SLC38A10: variants seen among roughly 807,000 people sequenced by gnomAD.
The protein encoded by SLC38A10 is solute carrier family 38 member 10.
A neutral mutation model predicts 81.0 loss-of-function variants in SLC38A10; 53 were observed. The observed-to-expected ratio is 0.65, with a 90% CI of 0.53 to 0.82. The LOEUF (loss-of-function observed/expected upper bound fraction) is 0.82, where lower values mean the gene tolerates loss of function less well. Ranked by LOEUF, SLC38A10 falls within the 40% of genes least tolerant of loss-of-function variation. The pLI is 0.00. For missense variants in SLC38A10, 1,471 were observed against 1,545.0 expected (o/e 0.95, Z 0.80); for synonymous variants, 665 against 655.3 (o/e 1.01, Z -0.23).
At chr17:81,256,759 T>C (rs1353832273) in intron 11 of SLC38A10, among the ~76,000 whole-genome samples, 2 of 152,262 alleles carry the variant, frequency 1.3e-5, no homozygotes, top group African/African-American at 2.4e-5. Flanking sequence ...AAAGTATTAC[T>C]CATGAAGGGC....
In SLC38A10 at chr17:81,289,537, G is replaced by A. The variant is rs1478279662; in HGVS notation, c.217+154C>T. Among the ~76,000 whole-genome samples the A allele has an allele frequency of 2.0e-5, 3 of 151,666 alleles. No individual in the cohort carries two copies. Among genetic ancestry groups the A allele is most frequent in the Admixed American group, 6.6e-5 (1 of 15,204 alleles). On this transcript the variant is annotated intron_variant, in intron 2 of 15. Coordinates refer to ENST00000374759, the MANE Select transcript of SLC38A10 (RefSeq NM_001037984.3). This position sits in a 1 kb window ranked among gnomAD's most constrained non-coding sequence, Gnocchi z 5.9. ...ACGACAGGCACGTGCAACCACACCC[G>A]GCTCATTTTTTTGCAGCATTACATT...
intron 10 of SLC38A10, chr17:81,264,879 C>T (rs2063056698): frequency 6.6e-6 from 1 of 152,208 alleles, no homozygotes; most frequent in Non-Finnish European, 1.5e-5. Flanking sequence ...AGAGCAGGGG[C>T]CAGCTTTCAG....
chr17:81,256,930 C>T (rs2062978371), intron 11 of SLC38A10, among the ~76,000 whole-genome samples: 1 of 152,214 alleles, frequency 6.6e-6, no homozygotes, highest in South Asian at 2.1e-4. Context: ...CAGGCGGAAC[C>T]TCCTCACCAC....
At position 81,247,020 on chromosome 17, in the gene SLC38A10, G is replaced by C. The variant is rs2062858595; in HGVS notation, c.2107C>G (p.Gln703Glu). The change falls in exon 15 of 16, where the codon CAG becomes GAG. Residue 703 changes from glutamine (Q) to glutamate (E), a missense_variant. This residue lies in a region of SLC38A10 where 751 missense variants were observed against 717.4 expected (regional missense o/e 1.05). Coordinates refer to ENST00000374759, the MANE Select transcript of SLC38A10 (RefSeq NM_001037984.3). ...AEMLDHAVLL[Q>E]VIKEQQVQQK... ...TGCACCTGCTGTTCTTTGATCACCTGAAGCAGGACGGCGTGGTCCAGCATC... is the reference window on the plus strand; with the variant it reads ...TGCACCTGCTGTTCTTTGATCACCTCAAGCAGGACGGCGTGGTCCAGCATC... 1.9e-6 allele frequency: 3 copies of C among 1,602,898 alleles called. No individual in the cohort carries two copies. In the South Asian group the frequency reaches 3.3e-5, roughly 18 times the overall value.
At position 81,286,416 on chromosome 17, in the gene SLC38A10, G is replaced by A. The variant is rs557097378; in HGVS notation, c.218-1521C>T. On this transcript the variant is annotated intron_variant, in intron 2 of 15. Coordinates refer to ENST00000374759, the MANE Select transcript of SLC38A10 (RefSeq NM_001037984.3). The surrounding 1 kb of genome is among the most constrained non-coding windows in gnomAD (Gnocchi z 6.0). ...ACCACGCTGAGACACGGCCCCACGC[G>A]CCTTCTTTTCCCCACCTGGGCCAAA... Among the ~76,000 whole-genome samples the A allele has an allele frequency of 1.2e-4, 19 of 152,192 alleles. No homozygotes were observed. Among genetic ancestry groups the A allele is most frequent in the African/African-American group, 4.1e-4 (17 of 41,526 alleles).
rs545522251 is a variant in SLC38A10, at chr17:81,260,095, G to T, written c.1288+143C>A. 27 of 1,026,086 alleles carry T rather than the reference G, an allele frequency of 2.6e-5. No homozygotes were observed. The South Asian group carries it at 3.9e-4, about 15-fold the overall frequency. 63.6% of individuals were successfully genotyped at this position (1,026,086 alleles called of 1,614,324 possible). ...ATGGTGCACAGAGCATGTTCACAGGGGAGGCTGGTGGCCCCACCCTGCTGG... is the reference window on the plus strand; with the variant it reads ...ATGGTGCACAGAGCATGTTCACAGGTGAGGCTGGTGGCCCCACCCTGCTGG... On this transcript the variant is annotated intron_variant, in intron 11 of 15. Coordinates refer to ENST00000374759, the MANE Select transcript of SLC38A10 (RefSeq NM_001037984.3).
chr17:81,250,007 G>A, intron 14 of SLC38A10: 10 of 1,269,674 alleles, frequency 7.9e-6, no homozygotes, highest in Non-Finnish European at 1.0e-5. Context: ...CCGAGGGGCT[G>A]CGCTCAGGTC....
In SLC38A10 at chr17:81,253,404, T is replaced by G. The variant is rs1169721591; in HGVS notation, c.1289-164A>C. Among the ~76,000 whole-genome samples the G allele has an allele frequency of 6.6e-6, 1 of 152,206 alleles. No homozygotes were observed. Reference sequence around the variant, plus strand: ...CTAAGTAGCACAGAAAACTGTCATTTTTCATGTGTATTCACAACAAAAATA... The same window carrying G: ...CTAAGTAGCACAGAAAACTGTCATTGTTCATGTGTATTCACAACAAAAATA... On this transcript the variant is annotated intron_variant, in intron 11 of 15. Transcript: ENST00000374759. This position sits in a 1 kb window ranked among gnomAD's most constrained non-coding sequence, Gnocchi z 4.1.
Position 81,282,220 on chromosome 17 carries a change from G to A in SLC38A10, c.470C>T (p.Ala157Val). Residue 157 changes from alanine (A) to valine (V), a missense_variant, in exon 5 of 16, where the codon GCC (alanine) becomes GTC (valine). Physicochemically the swap from Ala to Val is moderately conservative, Grantham distance 64. Around this residue, in one of 2 missense-constraint regions of SLC38A10, gnomAD observed 720 missense variants for 827.7 expected, o/e 0.87. Coordinates refer to ENST00000374759, the MANE Select transcript of SLC38A10 (RefSeq NM_001037984.3). Reference sequence around the variant, plus strand: ...CATGAACACGGTGTAGAAGAGGAGGGCCATGGCGCTGAAGGACTGGATGGA... The same window carrying A: ...CATGAACACGGTGTAGAAGAGGAGGACCATGGCGCTGAAGGACTGGATGGA... ...MASIQSFSAM[A>V]LLFYTVFMFV... The A allele has an allele frequency of 1.9e-6, 3 of 1,613,784 alleles. No homozygotes were observed. Among genetic ancestry groups the A allele is most frequent in the Non-Finnish European group, 1.7e-6 (2 of 1,180,032 alleles).
In SLC38A10 at chr17:81,277,012, G is replaced by C; in HGVS notation, c.729+19C>G. On this transcript the variant is annotated intron_variant, in intron 7 of 15. Transcript: ENST00000374759. This position sits in a 1 kb window ranked among gnomAD's most constrained non-coding sequence, Gnocchi z 4.5. ...GCTGGCATGACACAGGGGCGGAGAG[G>C]GCGTGGCAAGGCTCTTACCATGACG... 3 of 1,609,334 alleles carry C rather than the reference G, an allele frequency of 1.9e-6. No homozygotes were observed. Among genetic ancestry groups the C allele is most frequent in the Non-Finnish European group, 2.6e-6 (3 of 1,175,822 alleles).
rs780760283 is a variant in SLC38A10 at position 81,245,989 on chromosome 17, C to A, written c.2927G>T (p.Arg976Leu). The A allele has an allele frequency of 6.2e-7, 1 of 1,604,656 alleles. No homozygotes were observed. Among genetic ancestry groups the A allele is most frequent in the South Asian group, 1.1e-5 (1 of 90,164 alleles). Residue 976 changes from arginine (R) to leucine (L), a missense_variant, in exon 16 of 16, where the codon CGG becomes CTG. Around this residue, in one of 2 missense-constraint regions of SLC38A10, gnomAD observed 751 missense variants for 717.4 expected, o/e 1.05. Transcript: ENST00000374759. ...DGEQGGQQGH[R>L]LDHGGHLEMR... ...CTCCAGGTGACCGCCATGGTCCAGC[C>A]GGTGGCCCTGCTGTCCACCCTGCTC...
At chr17:81,294,410 C>T (rs2063332144) in intron 1 of SLC38A10, among the ~76,000 whole-genome samples, 1 of 152,202 alleles carries the variant, frequency 6.6e-6, no homozygotes, top group Non-Finnish European at 1.5e-5. Flanking sequence ...ACCAAGGTCC[C>T]TATCTAGTGT....
rs1000491146 is a variant in SLC38A10, at chr17:81,283,241, G to A, written c.357+168C>T. On this transcript the variant is annotated intron_variant, in intron 4 of 15. Transcript: ENST00000374759. This position sits in a 1 kb window ranked among gnomAD's most constrained non-coding sequence, Gnocchi z 4.7. ...TTCCTCGCGTGTACCTCTCACAGACGTGACCCAGCAAAGCCCCCGCACTCC... is the reference window on the plus strand; with the variant it reads ...TTCCTCGCGTGTACCTCTCACAGACATGACCCAGCAAAGCCCCCGCACTCC... Among the ~76,000 whole-genome samples, 6 of 152,036 alleles carry A rather than the reference G, an allele frequency of 3.9e-5. No individual in the cohort carries two copies. The highest frequency in any genetic ancestry group is 1.4e-4 in the African/African-American group (6 of 41,392).
rs1280495888 is a variant in SLC38A10, at chr17:81,277,563, A to G, written c.627-430T>C. Among the ~76,000 whole-genome samples the G allele has an allele frequency of 1.3e-5, 2 of 152,212 alleles. No homozygotes were observed. The highest frequency in any genetic ancestry group is 2.4e-5 in the African/African-American group (1 of 41,464). ...GGCGCCTCCATCTCGGCGCCTCCGC[A>G]CAGGCATGATCAGAGTCGGCACAGA... On this transcript the variant is annotated intron_variant, in intron 6 of 15. Coordinates refer to ENST00000374759, the MANE Select transcript of SLC38A10 (RefSeq NM_001037984.3). The surrounding 1 kb of genome is among the most constrained non-coding windows in gnomAD (Gnocchi z 4.5).
chr17:81,294,947 G>A lies in SLC38A10; in HGVS notation c.-26C>T. 6.4e-7 allele frequency: 1 copy of A among 1,563,394 alleles called. No individual in the cohort carries two copies. Among genetic ancestry groups the A allele is most frequent in the Non-Finnish European group, 8.6e-7 (1 of 1,156,980 alleles). ...AGTGAGAGGTCTAGGGGCCCGGGGCGAGAGGCCTCGGGGGTCGCCGGGCTG... is the reference window on the plus strand; with the variant it reads ...AGTGAGAGGTCTAGGGGCCCGGGGCAAGAGGCCTCGGGGGTCGCCGGGCTG... On this transcript the variant is annotated 5_prime_UTR_variant, in exon 1 of 16. Coordinates refer to ENST00000374759, the MANE Select transcript of SLC38A10 (RefSeq NM_001037984.3).
chr17:81,245,794 A>G lies in SLC38A10; in HGVS notation c.3122T>C (p.Leu1041Pro). Reference protein sequence around the residue: ...RPDNAKPNRDLKLQAGSDLRR... With the variant: ...RPDNAKPNRDPKLQAGSDLRR... ...GAGGTCGGAGCCAGCCTGCAGTTTC[A>G]GGTCCCGGTTGGGCTTGGCATTGTC... The change falls in exon 16 of 16, where the codon CTG (leucine) becomes CCG (proline). Residue 1041 changes from leucine to proline, a missense_variant. Transcript: ENST00000374759. 2 of 1,601,064 alleles carry G rather than the reference A, an allele frequency of 1.2e-6. No individual in the cohort carries two copies. The highest frequency in any genetic ancestry group is 8.5e-7 in the Non-Finnish European group (1 of 1,170,860).
At chr17:81,272,477 G>A (rs975600398) in intron 9 of SLC38A10, 39 bp downstream of exon 9, 19 of 1,448,338 alleles carry the variant, frequency 1.3e-5, no homozygotes, top group Admixed American at 2.2e-5. Context: ...GAAGCCCCGG[G>A]TCCCACTCCC....
At chr17:81,290,680 T>C (rs946950153) in intron 1 of SLC38A10, among the ~76,000 whole-genome samples, 2 of 152,088 alleles carry the variant, frequency 1.3e-5, no homozygotes, top group Non-Finnish European at 2.9e-5. Context: ...TTGACTGTGG[T>C]GGTTACACAG....
At position 81,265,718 on chromosome 17, in the gene SLC38A10, C is replaced by T. The variant is rs928519939; in HGVS notation, c.1131+5200G>A. 1.3e-5 allele frequency among the ~76,000 whole-genome samples: 2 copies of T among 152,338 alleles called. No homozygotes were observed. Among genetic ancestry groups the T allele is most frequent in the African/African-American group, 2.4e-5 (1 of 41,578 alleles). On this transcript the variant is annotated intron_variant, in intron 10 of 15. Coordinates refer to ENST00000374759, the MANE Select transcript of SLC38A10 (RefSeq NM_001037984.3). The surrounding 1 kb of genome is among the most constrained non-coding windows in gnomAD (Gnocchi z 4.2). ...GCCGGAGCCCCTGGGACAGTGGCCA[C>T]GCCGAGATGTGGCGCCACAGGCCCA... is the stretch of plus-strand genomic sequence containing the variant.
Sources: gnomAD v4.1 joint callset for allele counts (sites outside exome capture counted in the v4.1 genomes callset) on GRCh38, gnomAD v4.1.1 for gene constraint, gnomAD v4.1.1 regional missense constraint, Gnocchi (gnomAD v3.1) non-coding constraint, MANE v1.5 for transcripts, NCBI Gene and HGNC (gene_info 2026-07-23, HGNC 2026-07-21) for gene names.